The following RNASEL variants were observed in gnomAD, a reference collection of about 807,000 sequenced individuals.
RNASEL encodes 2-5A-dependent ribonuclease.
In RNASEL, 36 loss-of-function variants were observed where a neutral mutation model predicts 50.9. The observed-to-expected ratio is 0.71, with a 90% CI of 0.54 to 0.93. The LOEUF is 0.93. RNASEL is among the 40% of genes least tolerant of loss of function. RNASEL has a pLI of 0.00. For missense variants in RNASEL, 860 were observed against 894.5 expected, an observed-to-expected ratio of 0.96 and a Z score of 0.49; for synonymous variants, 335 against 335.6, an observed-to-expected ratio of 1.00 and a Z score of 0.02.
At chr1:182,585,285 A>G in intron 2 of RNASEL, 42 bp downstream of exon 2, 5 of 1,599,178 alleles carry the variant, frequency 3.1e-6, no homozygotes, top group Non-Finnish European at 4.3e-6. Context: ...ATAAACAAAG[A>G]TCCCACAATT....
rs980287340 is a variant in RNASEL, at chr1:182,586,495, G to A, written c.312C>T (p.Ser104=). The change falls in exon 2 of 7, where the codon AGC becomes AGT. Residue 104 remains serine, a synonymous_variant. Transcript: ENST00000367559. The stretch of plus-strand genomic sequence containing the variant: ...AAAGGAAAAGTTTCAGCAGCTTCAC[G>A]CTCCCCGCAATCGCTGCGAGGATAA... ...TPFILAAIAG[S]VKLLKLFLSK... is the part of the protein sequence containing the mutation. The A allele has an allele frequency of 1.2e-6, 2 of 1,612,280 alleles. No homozygotes were observed. The highest frequency in any genetic ancestry group is 1.7e-4 in the Middle Eastern group (1 of 6,054).
At chr1:182,588,598 G>A (rs1449142797) in intron 1 of RNASEL, among the ~76,000 whole-genome samples, 1 of 152,224 alleles carries the variant, frequency 6.6e-6, no homozygotes, top group Non-Finnish European at 1.5e-5. Flanking sequence ...AACTGCATCT[G>A]CTATAGAATT....
intron 6 of RNASEL, 82 bp from the exon 7 acceptor site, chr1:182,575,660 T>C (rs576997563): frequency 6.5e-7 from 1 of 1,542,060 alleles, no homozygotes; most frequent in South Asian, 1.2e-5. Context: ...TGAAGATCTC[T>C]TTGCTCGCTT....
chr1:182,578,250 T>C (rs1031975204), intron 5 of RNASEL: 2 of 152,126 alleles, frequency 1.3e-5, no homozygotes, highest in East Asian at 1.9e-4. Flanking sequence ...AGGATTGATA[T>C]CCAGAATTTA....
Position 182,573,876 on chromosome 1 carries a change from A to T in RNASEL, c.*1516T>A. 1 of 195,736 alleles carries T rather than the reference A, an allele frequency of 5.1e-6. No individual in the cohort carries two copies. Among genetic ancestry groups the T allele is most frequent in the Non-Finnish European group, 1.1e-5 (1 of 94,256 alleles). 12.1% of individuals were successfully genotyped at this position (195,736 alleles called of 1,614,324 possible). Reference sequence around the variant, plus strand: ...CAGAAAGAACCTAAGGTACTGTTTTATTCCCATTACAAAGCTCCATCTCAA... The same window carrying T: ...CAGAAAGAACCTAAGGTACTGTTTTTTTCCCATTACAAAGCTCCATCTCAA... On this transcript the variant is annotated 3_prime_UTR_variant, in exon 7 of 7. Transcript: ENST00000367559.
rs1271739370 is a variant in RNASEL, at chr1:182,574,603, C to G, written c.*789G>C. ...TCTTTGTTGCAGGGGCTGTCCTGTG[C>G]AAGGCAGGTTTGGCAGCATCCCTGG... On this transcript the variant is annotated 3_prime_UTR_variant, in exon 7 of 7. Coordinates refer to ENST00000367559, the MANE Select transcript of RNASEL (RefSeq NM_021133.4). 1 of 232,546 alleles carries G rather than the reference C, an allele frequency of 4.3e-6. No homozygotes were observed. Among genetic ancestry groups the G allele is most frequent in the Admixed American group, 5.6e-5 (1 of 17,728 alleles). 14.4% of individuals were successfully genotyped at this position (232,546 alleles called of 1,614,324 possible).
Position 182,582,207 on chromosome 1 carries a change from C to G in RNASEL, c.1618G>C (p.Glu540Gln). The G allele has an allele frequency of 1.2e-6, 2 of 1,614,204 alleles. No individual in the cohort carries two copies. The highest frequency in any genetic ancestry group is 1.1e-5 in the South Asian group (1 of 91,084). The change falls in exon 4 of 7, where the codon GAG (glutamate) becomes CAG (glutamine). Residue 540 changes from glutamate to glutamine, a missense_variant. Coordinates refer to ENST00000367559, the MANE Select transcript of RNASEL (RefSeq NM_021133.4). ...YVVKKGSISF[E>Q]DLKAQSNEEV... ...TCATTACTTTGAGCTTTCAGATCCT[C>G]AAATGAGATGCTTCCCTTCTTTACC...
intron 1 of RNASEL, among the ~76,000 whole-genome samples, chr1:182,587,592 T>A (rs1348097060): frequency 6.7e-6 from 1 of 148,246 alleles, no homozygotes; most frequent in African/African-American, 2.5e-5. Flanking sequence ...ATAAATATAT[T>A]CTTACCAGAG....
intron 2 of RNASEL, 95 bp from the exon 3 acceptor site, chr1:182,584,261 T>A: frequency 1.2e-6 from 1 of 857,314 alleles, no homozygotes; most frequent in Non-Finnish European, 2.0e-6. Context: ...GCTATAAAAA[T>A]CATCATCTCT....
intron 5 of RNASEL, among the ~76,000 whole-genome samples, chr1:182,580,183 A>G (rs1414705810): frequency 6.6e-6 from 1 of 152,226 alleles, no homozygotes; most frequent in Non-Finnish European, 1.5e-5. Flanking sequence ...AATTTTAGCC[A>G]AAGTTTGATA....
chr1:182,582,029 G>C, intron 4 of RNASEL, 24 bp downstream of exon 4: 1 of 1,604,552 alleles, frequency 6.2e-7, no homozygotes, highest in East Asian at 2.2e-5. Context: ...GAGGCCTGTG[G>C]CATCTGCACA....
chr1:182,576,086 C>T (rs672527), intron 6 of RNASEL, among the ~76,000 whole-genome samples, 170 bp downstream of exon 6: 31,780 of 152,200 alleles, frequency 0.21, 4,124 homozygotes, highest in Non-Finnish European at 0.29. Flanking sequence ...ACATGTCCCT[C>T]ATTAATTGTA....
rs1053454537 is a variant in RNASEL at position 182,585,537 on chromosome 1, C to T, written c.1270G>A (p.Glu424Lys). The change falls in exon 2 of 7, where the codon GAG becomes AAG. Residue 424 changes from glutamate to lysine, a missense_variant. Transcript: ENST00000367559. ...NSHLVTFYGS[E>K]SHRGHLFVCV... ...ACAAACAAGTGGCCCCTGTGGCTCT[C>T]ACTCCCATAGAATGTCACCAAGTGA... 1 of 1,614,224 alleles carries T rather than the reference C, an allele frequency of 6.2e-7. No homozygotes were observed. The highest frequency in any genetic ancestry group is 8.5e-7 in the Non-Finnish European group (1 of 1,180,040).
intron 1 of RNASEL, 37 bp downstream of exon 1, chr1:182,589,130 C>G (rs1357614414): frequency 2.0e-5 from 3 of 152,296 alleles, no homozygotes; most frequent in Non-Finnish European, 2.9e-5. Flanking sequence ...ATCGACTTAT[C>G]GAGGTTTTCT....
intron 5 of RNASEL, among the ~76,000 whole-genome samples, chr1:182,577,646 G>T (rs1213681298): frequency 6.6e-6 from 1 of 151,532 alleles, no homozygotes; most frequent in Admixed American, 6.6e-5. Flanking sequence ...AAATTCACAT[G>T]AAACCAAAAA....
chr1:182,582,538 T>C (rs1458576605), intron 3 of RNASEL, among the ~76,000 whole-genome samples: 2 of 152,098 alleles, frequency 1.3e-5, no homozygotes, highest in African/African-American at 4.8e-5. Context: ...GCCTCAAATG[T>C]ATGGACAGAA....
At position 182,586,591 on chromosome 1, in the gene RNASEL, C is replaced by T. The variant is rs2102372281; in HGVS notation, c.216G>A (p.Glu72=). Residue 72 remains glutamate (E), a synonymous_variant, in exon 2 of 7, where the codon GAG becomes GAA. Coordinates refer to ENST00000367559, the MANE Select transcript of RNASEL (RefSeq NM_021133.4). ...GACGAAGCAGAAGTTCCACAATGTCCTCCCTGCTCATTTGTACTGCGTTAT... is the reference window on the plus strand; with the variant it reads ...GACGAAGCAGAAGTTCCACAATGTCTTCCCTGCTCATTTGTACTGCGTTAT... ...PLHNAVQMSR[E]DIVELLLRHG... The T allele has an allele frequency of 1.2e-6, 2 of 1,605,818 alleles. No individual in the cohort carries two copies. The highest frequency in any genetic ancestry group is 2.2e-5 in the East Asian group (1 of 44,716).
intron 1 of RNASEL, among the ~76,000 whole-genome samples, chr1:182,588,509 C>T (rs1289057849): frequency 6.6e-6 from 1 of 152,172 alleles, no homozygotes; most frequent in Non-Finnish European, 1.5e-5. Context: ...CAATTTCGTC[C>T]AACTGTCAAT....
In RNASEL at chr1:182,580,810, T is replaced by C. The variant is rs149936055; in HGVS notation, c.1905+415A>G. ...TGTGGATCCTGAGAGCTGGGCTGTT[T>C]ACAGGCAGTGGAGGCAGCCAGGCTG... is the stretch of plus-strand genomic sequence containing the variant. On this transcript the variant is annotated intron_variant, in intron 5 of 6. Coordinates refer to ENST00000367559, the MANE Select transcript of RNASEL (RefSeq NM_021133.4). Among the ~76,000 whole-genome samples the C allele has an allele frequency of 2.7e-3, 407 of 152,232 alleles. 1 individual carries two copies. Among genetic ancestry groups the C allele is most frequent in the Non-Finnish European group, 5.0e-3 (341 of 67,994 alleles).
Sources: allele counts gnomAD v4.1 joint callset (sites outside exome capture counted in the v4.1 genomes callset), GRCh38; gene constraint gnomAD v4.1.1; transcripts MANE v1.5; gene names NCBI Gene and HGNC (gene_info 2026-07-23, HGNC 2026-07-21).